The following EPB41L5 variants were observed in gnomAD, a reference collection of about 807,000 sequenced individuals.
The protein encoded by EPB41L5 is erythrocyte membrane protein band 4.1 like 5.
Under a neutral mutation model 106.6 loss-of-function variants are expected in EPB41L5, and 55 were observed. The observed-to-expected ratio is 0.52, with a 90% CI of 0.42 to 0.65. EPB41L5 has a LOEUF of 0.65. EPB41L5 is among the 30% of genes least tolerant of loss of function. The pLI is 0.00. For synonymous variants in EPB41L5, 297 were observed against 306.7 expected (o/e 0.97, Z 0.33); for missense variants, 871 against 882.1 (o/e 0.99, Z 0.16).
intron 10 of EPB41L5, among the ~76,000 whole-genome samples, chr2:120,083,919 C>T (rs1206908651): frequency 6.6e-6 from 1 of 152,138 alleles, no homozygotes; most frequent in East Asian, 1.9e-4. Flanking sequence ...ACTAGGATTG[C>T]AACCTCTGCC....
chr2:120,045,351 A>G (rs1286007944), intron 3 of EPB41L5, among the ~76,000 whole-genome samples: 1 of 152,200 alleles, frequency 6.6e-6, no homozygotes, highest in Non-Finnish European at 1.5e-5. Context: ...TCATGTACAC[A>G]TATTTAATTT....
chr2:120,132,855 G>T (rs374090422), intron 18 of EPB41L5, among the ~76,000 whole-genome samples: 2 of 152,058 alleles, frequency 1.3e-5, no homozygotes, highest in African/African-American at 2.4e-5. Flanking sequence ...ATGAAGCCTG[G>T]TAACACTTGG....
intron 3 of EPB41L5, among the ~76,000 whole-genome samples, chr2:120,045,895 G>A (rs560285812): frequency 2.6e-5 from 4 of 151,626 alleles, no homozygotes; most frequent in Non-Finnish European, 5.9e-5. Context: ...ACCTATGAGT[G>A]AGAACATATG....
At chr2:120,114,612 G>A (rs536705755) in intron 16 of EPB41L5, among the ~76,000 whole-genome samples, 3 of 152,222 alleles carry the variant, frequency 2.0e-5, no homozygotes, top group Middle Eastern at 3.4e-3. Flanking sequence ...AAAAAATCTG[G>A]TTATTTGTCC....
At chr2:120,017,145 C>G (rs560826030) in intron 1 of EPB41L5, among the ~76,000 whole-genome samples, 1 of 152,200 alleles carries the variant, frequency 6.6e-6, no homozygotes, top group Non-Finnish European at 1.5e-5. Flanking sequence ...ACAGCATTCT[C>G]CTGAATTCTT....
chr2:120,152,337 T>C (rs1686717909), intron 20 of EPB41L5, among the ~76,000 whole-genome samples: 1 of 152,226 alleles, frequency 6.6e-6, no homozygotes, highest in South Asian at 2.1e-4. Context: ...TGAACCACTC[T>C]TGTGAACTTC....
At chr2:120,034,211 T>A (rs1678900272) in intron 2 of EPB41L5, among the ~76,000 whole-genome samples, 1 of 152,344 alleles carries the variant, frequency 6.6e-6, no homozygotes, top group Admixed American at 6.5e-5. Flanking sequence ...TTGAAAAGGT[T>A]TTTGTTCTGA....
intron 16 of EPB41L5, chr2:120,104,350 G>A (rs1684327325): frequency 2.8e-6 from 4 of 1,418,370 alleles, no homozygotes; most frequent in Non-Finnish European, 3.7e-6. Flanking sequence ...AGAATTTACA[G>A]TGAGTCACTA....
intron 3 of EPB41L5, among the ~76,000 whole-genome samples, chr2:120,061,726 C>T (rs769037396): frequency 3.6e-4 from 54 of 152,104 alleles, no homozygotes; most frequent in Admixed American, 9.2e-4. Context: ...TCTTGTATAA[C>T]GTGATACTGT....
chr2:120,024,378 T>C (rs989454574), intron 2 of EPB41L5, among the ~76,000 whole-genome samples: 1 of 152,224 alleles, frequency 6.6e-6, no homozygotes, highest in Non-Finnish European at 1.5e-5. Flanking sequence ...TATTGAGTGT[T>C]TTTAGCATGA....
intron 17 of EPB41L5, among the ~76,000 whole-genome samples, chr2:120,129,616 A>G (rs1685609628): frequency 6.6e-6 from 1 of 152,224 alleles, no homozygotes. Flanking sequence ...CACTTATTGA[A>G]TACATACTTT....
At chr2:120,065,226 G>A (rs1037552081) in intron 3 of EPB41L5, among the ~76,000 whole-genome samples, 1 of 151,924 alleles carries the variant, frequency 6.6e-6, no homozygotes. Context: ...CAGCCCTCTC[G>A]CCTCAGCCTC....
chr2:120,061,031 GTTTTTTTTT>G (rs375754153), intron 3 of EPB41L5, among the ~76,000 whole-genome samples: 13 of 69,100 alleles, frequency 1.9e-4, no homozygotes, highest in East Asian at 5.1e-4. Flanking sequence ...GTTCAGGGAA[GTTTTTTTTT>G]TTTTTTTTTT....
At chr2:120,127,018 A>G (rs950836925) in intron 16 of EPB41L5, among the ~76,000 whole-genome samples, 4 of 152,198 alleles carry the variant, frequency 2.6e-5, no homozygotes, top group African/African-American at 9.6e-5. Context: ...GTTACTGTGA[A>G]TGAAATTGTC....
intron 2 of EPB41L5, among the ~76,000 whole-genome samples, chr2:120,025,158 G>C (rs184071200): frequency 1.2e-3 from 182 of 152,260 alleles, no homozygotes; most frequent in African/African-American, 4.2e-3. Context: ...ATTAATTGCT[G>C]CCTCTATATC....
chr2:120,095,893 C>G (rs1467116372), intron 14 of EPB41L5, among the ~76,000 whole-genome samples: 1 of 152,106 alleles, frequency 6.6e-6, no homozygotes, highest in East Asian at 1.9e-4. Flanking sequence ...TGGTTTCGAA[C>G]TCTTGACCTC....
intron 2 of EPB41L5, among the ~76,000 whole-genome samples, chr2:120,034,462 T>G (rs764560746): frequency 6.6e-5 from 10 of 152,218 alleles, no homozygotes; most frequent in Admixed American, 2.6e-4. Flanking sequence ...GATAGATGAA[T>G]TCAGCAGAAG....
rs11379919 is a variant in EPB41L5 at position 120,130,143 on chromosome 2, C to CAA, written c.1502-1458_1502-1457dup. On this transcript the variant is annotated intron_variant, in intron 17 of 24. Transcript: ENST00000263713. ...CCTGGGCAAGAGTGAGACTCCATCT[C>CAA]AAAAAAAAAAAAAAAAAAGGGTTCC... 3.8e-3 allele frequency among the ~76,000 whole-genome samples: 419 copies of CAA among 109,776 alleles called. 3 individuals carry two copies. Among genetic ancestry groups the CAA allele is most frequent in the Middle Eastern group, 9.1e-3 (2 of 220 alleles). 72.0% of individuals were successfully genotyped at this position (109,776 alleles called of 152,430 possible).
chr2:120,072,929 T>TA (rs11397278), intron 3 of EPB41L5, among the ~76,000 whole-genome samples: 101,128 of 147,466 alleles, frequency 0.69, 35,763 homozygotes, highest in Non-Finnish European at 0.79. Flanking sequence ...TTAAAGTATT[T>TA]AAAAAAAAAA....
Sources: allele counts gnomAD v4.1 joint callset (sites outside exome capture counted in the v4.1 genomes callset), GRCh38; gene constraint gnomAD v4.1.1; transcripts MANE v1.5; gene names NCBI Gene and HGNC (gene_info 2026-07-23, HGNC 2026-07-21).